OPHN1: variants seen among roughly 807,000 people sequenced by gnomAD.
OPHN1 encodes oligophrenin 1.
In OPHN1, 11 loss-of-function variants were observed where a neutral mutation model predicts 60.7. The observed-to-expected ratio is 0.18, with a 90% CI of 0.11 to 0.30. The LOEUF (loss-of-function observed/expected upper bound fraction) is 0.30. OPHN1 is among the 10% of genes least tolerant of loss of function. The pLI, the probability that OPHN1 is intolerant of heterozygous loss-of-function variation, is 1.00. For synonymous variants in OPHN1, 226 were observed against 222.6 expected (o/e 1.02, Z -0.14); for missense variants, 449 against 611.0 (o/e 0.73, Z 2.80).
intron 6 of OPHN1, among the ~76,000 whole-genome samples, chrX:68,229,318 G>A (rs746131548): frequency 2.1e-4 from 23 of 111,787 alleles, no homozygotes; most frequent in Non-Finnish European, 3.2e-4. Flanking sequence ...AATCAATATC[G>A]TGAAAATGGC....
chrX:68,202,660 C>A (rs923945475), intron 10 of OPHN1, among the ~76,000 whole-genome samples: 3 of 109,471 alleles, frequency 2.7e-5, no homozygotes, highest in African/African-American at 1.0e-4. Flanking sequence ...CCATGCCCGG[C>A]TAATTTTTGT....
At chrX:68,191,904 C>T (rs1419947411) in intron 15 of OPHN1, among the ~76,000 whole-genome samples, 2 of 111,427 alleles carry the variant, frequency 1.8e-5, no homozygotes, top group African/African-American at 6.5e-5. Context: ...TCAAATAAAT[C>T]AAATTGATCC....
intron 2 of OPHN1, among the ~76,000 whole-genome samples, chrX:68,342,713 G>A (rs1353482634): frequency 9.0e-6 from 1 of 111,321 alleles, no homozygotes; most frequent in Non-Finnish European, 1.9e-5. Flanking sequence ...AGGCCAAGGT[G>A]GGAGGGTCGC....
At chrX:68,300,327 C>T (rs1468375891) in intron 2 of OPHN1, among the ~76,000 whole-genome samples, 2 of 112,206 alleles carry the variant, frequency 1.8e-5, no homozygotes, top group Non-Finnish European at 3.8e-5. Flanking sequence ...CACAATAAAA[C>T]AAGTTCAAGC....
chrX:68,302,953 A>T (rs1353285611), intron 2 of OPHN1, among the ~76,000 whole-genome samples: 1 of 110,883 alleles, frequency 9.0e-6, no homozygotes, highest in Non-Finnish European at 1.9e-5. Flanking sequence ...AAAAGAAAGC[A>T]ATCACATTTG....
chrX:68,432,389 G>A (rs2078889947), intron 2 of OPHN1, among the ~76,000 whole-genome samples: 1 of 111,599 alleles, frequency 9.0e-6, no homozygotes, highest in South Asian at 3.7e-4. Context: ...TTGCCATGGC[G>A]AATTTTTTAC....
intron 2 of OPHN1, among the ~76,000 whole-genome samples, chrX:68,390,605 A>G (rs2078648850): frequency 9.0e-6 from 1 of 111,428 alleles, no homozygotes; most frequent in African/African-American, 3.3e-5. Flanking sequence ...TCAAAAAGAA[A>G]AGTTAGATAA....
rs1266981689 is a variant in OPHN1, at chrX:68,426,569, T to TATATATATATATATATATATAA, written c.154+6297_154+6298insTTATATATATATATATATATAT. 8.2e-4 allele frequency among the ~76,000 whole-genome samples: 34 copies of TATATATATATATATATATATAA among 41,600 alleles called. 4 individuals carry two copies. Among genetic ancestry groups the TATATATATATATATATATATAA allele is most frequent in the South Asian group, 2.0e-3 (1 of 499 alleles). 36.1% of individuals were successfully genotyped at this position (41,600 alleles called of 115,157 possible). A position where few individuals can be genotyped will look rare whatever the true frequency, so the allele number is the denominator to read the frequency against. On this transcript the variant is annotated intron_variant, in intron 2 of 24. Coordinates refer to ENST00000355520, the MANE Select transcript of OPHN1 (RefSeq NM_002547.3). ...CATCTGTTTTATATATATATATATATACATACACAGAGGCTGGGCGTGATG... is the reference window on the plus strand; with the variant it reads ...CATCTGTTTTATATATATATATATATATATATATATATATATATATAAACATACACAGAGGCTGGGCGTGATG...
At chrX:68,427,049 C>T (rs2078862710) in intron 2 of OPHN1, among the ~76,000 whole-genome samples, 1 of 97,601 alleles carries the variant, frequency 1.0e-5, no homozygotes, top group Non-Finnish European at 2.0e-5. Flanking sequence ...GTCGAGAGTT[C>T]GAGACCAGCC....
intron 2 of OPHN1, among the ~76,000 whole-genome samples, chrX:68,304,865 G>T (rs899332986): frequency 2.7e-5 from 3 of 110,701 alleles, no homozygotes; most frequent in Non-Finnish European, 5.7e-5. Context: ...ATTGCCATCC[G>T]GTTTAATATG....
At chrX:68,362,996 C>T (rs2078480919) in intron 2 of OPHN1, among the ~76,000 whole-genome samples, 1 of 110,635 alleles carries the variant, frequency 9.0e-6, no homozygotes, top group Admixed American at 9.8e-5. Flanking sequence ...ATCTGAAATC[C>T]CAGCATTTTG....
intron 3 of OPHN1, among the ~76,000 whole-genome samples, chrX:68,294,307 C>T (rs1285742920): frequency 2.8e-5 from 3 of 108,105 alleles, no homozygotes; most frequent in African/African-American, 1.0e-4. Flanking sequence ...CCAGTCTCTA[C>T]TAAAACTACA....
intron 16 of OPHN1, among the ~76,000 whole-genome samples, chrX:68,114,073 C>T (rs1476525161): frequency 9.0e-6 from 1 of 110,555 alleles, no homozygotes; most frequent in African/African-American, 3.3e-5. Context: ...GTCCAAACCT[C>T]CAACGAGCTA....
chrX:68,374,682 G>A (rs1051344789), intron 2 of OPHN1, among the ~76,000 whole-genome samples: 4 of 111,157 alleles, frequency 3.6e-5, no homozygotes, highest in East Asian at 5.6e-4. Flanking sequence ...TTAGCAAATC[G>A]TATATCTGAC....
chrX:68,361,260 T>C (rs887171203), intron 2 of OPHN1: 15 of 110,574 alleles, frequency 1.4e-4, no homozygotes, highest in African/African-American at 4.9e-4. Context: ...GGTGGGCGGA[T>C]CACAAGGTAA....
chrX:68,423,540 C>G (rs1602411067), intron 2 of OPHN1, among the ~76,000 whole-genome samples: 1 of 110,040 alleles, frequency 9.1e-6, no homozygotes. Context: ...AAAAAATGTT[C>G]ATGACCCCAA....
At chrX:68,107,666 G>T (rs1490660697) in intron 18 of OPHN1, among the ~76,000 whole-genome samples, 1 of 110,562 alleles carries the variant, frequency 9.0e-6, no homozygotes, top group East Asian at 2.9e-4. Context: ...TGTGGAGACG[G>T]AGTTTCACCA....
intron 2 of OPHN1, among the ~76,000 whole-genome samples, chrX:68,316,128 T>C (rs927698456): frequency 3.6e-5 from 4 of 110,729 alleles, no homozygotes; most frequent in African/African-American, 1.3e-4. Flanking sequence ...ACCAAGAAGA[T>C]ATAGCATTCC....
chrX:68,343,287 C>A (rs866470550), intron 2 of OPHN1, among the ~76,000 whole-genome samples: 4 of 82,042 alleles, frequency 4.9e-5, no homozygotes, highest in African/African-American at 2.0e-4. Flanking sequence ...AAAAAAAAAG[C>A]GGGGGGGGAG....
Sources: allele counts gnomAD v4.1 joint callset (sites outside exome capture counted in the v4.1 genomes callset), GRCh38; gene constraint gnomAD v4.1.1; transcripts MANE v1.5; gene names NCBI Gene and HGNC (gene_info 2026-07-23, HGNC 2026-07-21).